The following CLNK variants were observed in gnomAD, a reference collection of about 807,000 sequenced individuals.
The protein encoded by CLNK is cytokine dependent hematopoietic cell linker.
Under a neutral mutation model 68.6 loss-of-function variants are expected in CLNK, and 74 were observed. The observed-to-expected ratio is 1.08, with a 90% confidence interval of 0.89 to 1.31. CLNK has a LOEUF of 1.31. CLNK is among the 50% of genes most tolerant of loss of function. The pLI is 0.00. For missense variants in CLNK, 553 were observed against 515.3 expected, an observed-to-expected ratio of 1.07 and a Z score of -0.71; for synonymous variants, 198 against 172.2, an observed-to-expected ratio of 1.15 and a Z score of -1.17.
At chr4:10,529,463 C>G (rs1245438326) in intron 12 of CLNK, among the ~76,000 whole-genome samples, 1 of 152,160 alleles carries the variant, frequency 6.6e-6, no homozygotes, top group Non-Finnish European at 1.5e-5. Context: ...AAACTTTTGG[C>G]AACAAATTGC....
chr4:10,532,708 G>A (rs1718596772), intron 11 of CLNK, among the ~76,000 whole-genome samples: 1 of 152,110 alleles, frequency 6.6e-6, no homozygotes, highest in African/African-American at 2.4e-5. Flanking sequence ...TGGGGTCTCA[G>A]GAAAGCAAGT....
chr4:10,670,097 A>G (rs1445279140), intron 1 of CLNK, among the ~76,000 whole-genome samples: 1 of 152,208 alleles, frequency 6.6e-6, no homozygotes, highest in African/African-American at 2.4e-5. Flanking sequence ...TTTCTTTTAC[A>G]GCATGTCTTA....
chr4:10,574,847 G>A (rs112624861), intron 4 of CLNK, among the ~76,000 whole-genome samples: 23,580 of 152,078 alleles, frequency 0.16, 1,922 homozygotes, highest in African/African-American at 0.18. Context: ...GTTCTGTTCC[G>A]TTCTGATTAC....
At chr4:10,533,259 AAAAC>A (rs201766977) in intron 11 of CLNK, among the ~76,000 whole-genome samples, 9 of 152,286 alleles carry the variant, frequency 5.9e-5, no homozygotes, top group Non-Finnish European at 1.0e-4. Flanking sequence ...ACTCCATTTC[AAAAC>A]AAACAAACAA....
At chr4:10,499,660 C>T (rs1413379827) in intron 18 of CLNK, among the ~76,000 whole-genome samples, 1 of 152,202 alleles carries the variant, frequency 6.6e-6, no homozygotes, top group East Asian at 1.9e-4. Context: ...TTTGTCAAGG[C>T]TACCGTAACT....
In CLNK at chr4:10,610,936, C is replaced by T. The variant is rs1003695682; in HGVS notation, c.12-12887G>A. 5.3e-5 allele frequency among the ~76,000 whole-genome samples: 8 copies of T among 152,244 alleles called. No individual in the cohort carries two copies. In the East Asian group the frequency reaches 5.8e-4, roughly 11 times the overall value. Reference sequence around the variant, plus strand: ...TGGTGGTTCACGTCTGTAATCCCAGCGATTTGGGAGGCCGAGGCAGGCGGA... The same window carrying T: ...TGGTGGTTCACGTCTGTAATCCCAGTGATTTGGGAGGCCGAGGCAGGCGGA... On this transcript the variant is annotated intron_variant, in intron 2 of 18. Coordinates refer to ENST00000226951, the MANE Select transcript of CLNK (RefSeq NM_052964.4).
chr4:10,621,692 A>G (rs1722466272), intron 2 of CLNK, among the ~76,000 whole-genome samples: 1 of 152,234 alleles, frequency 6.6e-6, no homozygotes. Context: ...CTGTCAAGAA[A>G]AGGATGATGC....
At position 10,663,844 on chromosome 4, in the gene CLNK, G is replaced by A. The variant is rs142432405; in HGVS notation, c.11+4015C>T. ...ATTAGGCCAAGAGGGCAAAACTCCC[G>A]TGAAATGAGATTAGCACCCTTATAA... On this transcript the variant is annotated intron_variant, in intron 2 of 18. Coordinates refer to ENST00000226951, the MANE Select transcript of CLNK (RefSeq NM_052964.4). Among the ~76,000 whole-genome samples the A allele has an allele frequency of 2.6e-3, 399 of 152,276 alleles. 2 individuals carry two copies. Among genetic ancestry groups the A allele is most frequent in the African/African-American group, 9.4e-3 (389 of 41,558 alleles).
intron 12 of CLNK, among the ~76,000 whole-genome samples, chr4:10,531,177 G>C (rs1396399858): frequency 6.6e-6 from 1 of 152,182 alleles, no homozygotes. Context: ...GGAGTGAGGT[G>C]AGGCCACTTG....
chr4:10,666,247 A>G (rs1724392265), intron 2 of CLNK, among the ~76,000 whole-genome samples: 1 of 152,170 alleles, frequency 6.6e-6, no homozygotes, highest in Non-Finnish European at 1.5e-5. Context: ...CAGTATTTGA[A>G]TCCATGCAGG....
At chr4:10,695,314 TTTAA>T in the CLNK span, among the ~76,000 whole-genome samples, 1 of 152,236 alleles carries the variant, frequency 6.6e-6, no homozygotes, top group African/African-American at 2.4e-5. Context: ...ACAATTATTA[TTTAA>T]TTGAGAATTA....
intron 1 of CLNK, among the ~76,000 whole-genome samples, chr4:10,681,500 T>G (rs1039413335): frequency 6.6e-6 from 1 of 152,228 alleles, no homozygotes; most frequent in Non-Finnish European, 1.5e-5. Context: ...TCATGTTGTA[T>G]CTAGACCTTT....
At position 10,525,861 on chromosome 4, in the gene CLNK, C is replaced by T; in HGVS notation, c.711G>A (p.Glu237=). 6.3e-7 allele frequency: 1 copy of T among 1,583,372 alleles called. No homozygotes were observed. ...THLLENQNTQ[E]IPLAISSSSF... is the part of the protein sequence containing the mutation. ...CTTACCTGCTAATGGCAAGTGGAATCTCTTGAGTATTTTGGTTTTCTAACA... is the reference window on the plus strand; with the variant it reads ...CTTACCTGCTAATGGCAAGTGGAATTTCTTGAGTATTTTGGTTTTCTAACA... Residue 237 remains glutamate, a synonymous_variant, in exon 14 of 19, where the codon GAG becomes GAA. Coordinates refer to ENST00000226951, the MANE Select transcript of CLNK (RefSeq NM_052964.4).
rs572325982 is a variant in CLNK, at chr4:10,508,657, C to T, written c.907-621G>A. 1.3e-4 allele frequency among the ~76,000 whole-genome samples: 20 copies of T among 152,202 alleles called. No homozygotes were observed. In the South Asian group the frequency reaches 2.7e-3, roughly 21 times the overall value. On this transcript the variant is annotated intron_variant, in intron 16 of 18. Coordinates refer to ENST00000226951, the MANE Select transcript of CLNK (RefSeq NM_052964.4). ...GACTTGCAATTCCTTCACAGGGTTC[C>T]GAGAATCATAATATTAAATAACCCC...
intron 3 of CLNK, among the ~76,000 whole-genome samples, chr4:10,590,967 G>A (rs1721158574): frequency 6.6e-6 from 1 of 152,166 alleles, no homozygotes; most frequent in African/African-American, 2.4e-5. Context: ...TTTGCAGATG[G>A]ATTAGCTGAG....
chr4:10,636,074 C>T (rs4383612), intron 2 of CLNK, among the ~76,000 whole-genome samples: 48,506 of 151,958 alleles, frequency 0.32, 8,773 homozygotes, highest in African/African-American at 0.49. Context: ...GTAATTCTGC[C>T]TGATGGGGGC....
chr4:10,571,231 A>G (rs985463299), intron 5 of CLNK, among the ~76,000 whole-genome samples: 1 of 151,844 alleles, frequency 6.6e-6, no homozygotes, highest in South Asian at 2.1e-4. Context: ...GAGGAATTGG[A>G]ATATAGTTTT....
In CLNK at chr4:10,667,372, A is replaced by ATT. The variant is rs1230962572; in HGVS notation, c.11+486_11+487insAA. 7.7e-5 allele frequency among the ~76,000 whole-genome samples: 4 copies of ATT among 52,032 alleles called. No homozygotes were observed. In the Admixed American group the frequency reaches 8.3e-4, roughly 11 times the overall value. 34.1% of individuals were successfully genotyped at this position (52,032 alleles called of 152,430 possible). Reference sequence around the variant, plus strand: ...ATTTCTTAAACTTTTGAGTCCTGCTAATTTTTTTTTTTTTTTTACTATACT... The same window carrying ATT: ...ATTTCTTAAACTTTTGAGTCCTGCTATTATTTTTTTTTTTTTTTTACTATACT... On this transcript the variant is annotated intron_variant, in intron 2 of 18. Transcript: ENST00000226951.
At chr4:10,692,500 G>A in the CLNK span, among the ~76,000 whole-genome samples, 2 of 152,156 alleles carry the variant, frequency 1.3e-5, no homozygotes, top group African/African-American at 4.8e-5. Flanking sequence ...GAGTGGCAAC[G>A]TGGCTCCCTA....
Sources: allele counts gnomAD v4.1 joint callset (sites outside exome capture counted in the v4.1 genomes callset), GRCh38; gene constraint gnomAD v4.1.1; transcripts MANE v1.5; gene names NCBI Gene and HGNC (gene_info 2026-07-23, HGNC 2026-07-21).